The following RAI1 variants were observed in gnomAD, a reference collection of about 807,000 sequenced individuals.
The protein encoded by RAI1 is retinoic acid-induced protein 1.
A neutral mutation model predicts 123.8 loss-of-function variants in RAI1; 9 were observed. That is an observed-to-expected ratio of 0.07 (90% confidence interval 0.04 to 0.13). The LOEUF (loss-of-function observed/expected upper bound fraction) is 0.13. Ranked by LOEUF, RAI1 falls within the 10% of genes least tolerant of loss-of-function variation. The probability of loss-of-function intolerance (pLI) is 1.00; values close to 1 mark genes in which losing one functional copy is unlikely to be tolerated. For missense variants in RAI1, 2,256 were observed against 2,545.8 expected (o/e 0.89, Z 2.45); for synonymous variants, 1,231 against 1,127.3 (o/e 1.09, Z -1.84).
chr17:17,695,818 G>A (rs1463883470), intron 1 of RAI1, among the ~76,000 whole-genome samples: 1 of 152,060 alleles, frequency 6.6e-6, no homozygotes, highest in Non-Finnish European at 1.5e-5. Context: ...CACTATGCCC[G>A]GCCTCCCCTA....
rs1198848406 is a variant in RAI1 at position 17,793,864 on chromosome 17, C to G, written c.916C>G (p.Gln306Glu). 1 of 1,613,468 alleles carries G rather than the reference C, an allele frequency of 6.2e-7. No individual in the cohort carries two copies. The highest frequency in any genetic ancestry group is 8.5e-7 in the Non-Finnish European group (1 of 1,180,022). ...CCATGCCCAGGAAACCCTCCATTAC[C>G]AAAACCTCGCCAAGTATCAGCACTA... is the stretch of plus-strand genomic sequence containing the variant. ...RHHAQETLHYQNLAKYQHYGQ... is the reference protein window; with the variant it reads ...RHHAQETLHYENLAKYQHYGQ... The change falls in exon 3 of 6, where the codon CAA (glutamine) becomes GAA (glutamate). Residue 306 changes from glutamine (Q) to glutamate (E), a missense_variant. Gln to Glu is a conservative substitution (Grantham distance 29). Transcript: ENST00000353383.
chr17:17,779,151 C>T (rs2031466309), intron 2 of RAI1: 1 of 342,084 alleles, frequency 2.9e-6, no homozygotes, highest in African/African-American at 2.1e-5. Context: ...CAGCCGACAA[C>T]CAAAGGCAAA....
Position 17,809,213 on chromosome 17 carries a change from CGTGGAGTGGA to C in RAI1, c.5660-168_5660-159del. The C allele has an allele frequency of 1.4e-6, 1 of 719,738 alleles. No homozygotes were observed. The highest frequency in any genetic ancestry group is 2.5e-6 in the Non-Finnish European group (1 of 396,334). 44.6% of individuals were successfully genotyped at this position (719,738 alleles called of 1,614,324 possible). A position where few individuals can be genotyped will look rare whatever the true frequency, so the allele number is the denominator to read the frequency against. On this transcript the variant is annotated intron_variant, in intron 4 of 5. Transcript: ENST00000353383. This position sits in a 1 kb window ranked among gnomAD's most constrained non-coding sequence, Gnocchi z 4.9. ...GCCAGGCCAGGGGCCGCACCCGCGC[CGTGGAGTGGA>C]GTGGAGTGTGGAGGGTTTTGTGCAG... is the stretch of plus-strand genomic sequence containing the variant.
intron 2 of RAI1, among the ~76,000 whole-genome samples, chr17:17,768,705 A>C (rs2031031057): frequency 6.6e-6 from 1 of 152,206 alleles, no homozygotes; most frequent in African/African-American, 2.4e-5. Context: ...CACTGGGGAG[A>C]CACAAGACGA....
intron 1 of RAI1, among the ~76,000 whole-genome samples, chr17:17,716,099 AAGTC>A: frequency 1.3e-5 from 2 of 152,302 alleles, no homozygotes; most frequent in African/African-American, 4.8e-5. Context: ...AGTCGGGACA[AAGTC>A]AGGGGACTTG....
At chr17:17,761,226 C>T (rs1404217489) in intron 2 of RAI1, among the ~76,000 whole-genome samples, 3 of 150,838 alleles carry the variant, frequency 2.0e-5, no homozygotes, top group Admixed American at 6.6e-5. Flanking sequence ...AAGTGCTTGG[C>T]AAATGAAAAT....
At chr17:17,762,154 G>C (rs914462260) in intron 2 of RAI1, among the ~76,000 whole-genome samples, 1 of 151,598 alleles carries the variant, frequency 6.6e-6, no homozygotes, top group Non-Finnish European at 1.5e-5. Context: ...AGAGAGAAAA[G>C]AGAGTGAATA....
intron 2 of RAI1, among the ~76,000 whole-genome samples, chr17:17,768,209 G>A (rs1425565475): frequency 2.0e-5 from 3 of 152,182 alleles, no homozygotes; most frequent in Non-Finnish European, 4.4e-5. Flanking sequence ...CTGGTCCCAT[G>A]GTCTAGCCAG....
At chr17:17,746,315 C>CT (rs1219372147) in intron 2 of RAI1, among the ~76,000 whole-genome samples, 1 of 152,250 alleles carries the variant, frequency 6.6e-6, no homozygotes, top group Non-Finnish European at 1.5e-5. Flanking sequence ...CGCAGCCCAT[C>CT]TGGGAGCCAA....
intron 2 of RAI1, among the ~76,000 whole-genome samples, chr17:17,781,117 CCA>C (rs2031563384): frequency 6.6e-6 from 1 of 152,192 alleles, no homozygotes; most frequent in African/African-American, 2.4e-5. Flanking sequence ...ACTAGCTAAA[CCA>C]CAGAGAGAAC....
intron 2 of RAI1, among the ~76,000 whole-genome samples, chr17:17,783,540 G>C (rs1048795973): frequency 1.1e-4 from 17 of 152,164 alleles, no homozygotes; most frequent in African/African-American, 4.1e-4. Context: ...TGTTGCAGAG[G>C]GGCGGAGAGG....
intron 2 of RAI1, among the ~76,000 whole-genome samples, chr17:17,750,223 C>T (rs1238518676): frequency 6.6e-6 from 1 of 152,264 alleles, no homozygotes; most frequent in African/African-American, 2.4e-5. Context: ...GACTCCAAAT[C>T]TTCCCATAGG....
intron 4 of RAI1, among the ~76,000 whole-genome samples, chr17:17,806,614 C>T (rs897154349): frequency 6.6e-6 from 1 of 152,218 alleles, no homozygotes; most frequent in African/African-American, 2.4e-5. Context: ...CTCAAAAGGG[C>T]GTGAGTTGGC....
intron 2 of RAI1, among the ~76,000 whole-genome samples, chr17:17,788,236 G>A (rs1408368684): frequency 6.6e-6 from 1 of 152,076 alleles, no homozygotes; most frequent in East Asian, 1.9e-4. Flanking sequence ...GTCCTAGGAG[G>A]GTCCTCCATC....
At chr17:17,698,305 G>A (rs1478935779) in intron 1 of RAI1, among the ~76,000 whole-genome samples, 1 of 152,200 alleles carries the variant, frequency 6.6e-6, no homozygotes, top group Non-Finnish European at 1.5e-5. Flanking sequence ...TTTGTCTCCT[G>A]CCACTCAAGA....
At position 17,798,272 on chromosome 17, in the gene RAI1, G is replaced by A. The variant is rs1357591568; in HGVS notation, c.5324G>A (p.Gly1775Asp). 6.2e-7 allele frequency: 1 copy of A among 1,600,504 alleles called. No homozygotes were observed. Among genetic ancestry groups the A allele is most frequent in the Non-Finnish European group, 8.5e-7 (1 of 1,173,140 alleles). The change falls in exon 3 of 6, where the codon GGC becomes GAC. Residue 1775 changes from glycine (G) to aspartate (D), a missense_variant. By Grantham distance (94) the Gly-to-Asp change is moderately conservative. This residue lies in a region of RAI1 where 243 missense variants were observed against 316.6 expected (regional missense o/e 0.77). Transcript: ENST00000353383. ...KQGPLRTSARGLSRRLQSCYC... is the reference protein window; with the variant it reads ...KQGPLRTSARDLSRRLQSCYC... Reference sequence around the variant, plus strand: ...GGCCCACTGCGCACCAGTGCCCGGGGCCTGTCCCGGAGGCTGCAGAGCTGC... The same window carrying A: ...GGCCCACTGCGCACCAGTGCCCGGGACCTGTCCCGGAGGCTGCAGAGCTGC...
chr17:17,696,728 G>A (rs143743416), intron 1 of RAI1, among the ~76,000 whole-genome samples: 1 of 152,206 alleles, frequency 6.6e-6, no homozygotes. Flanking sequence ...GCTGCCTAGT[G>A]TGGACAGGGA....
intron 2 of RAI1, among the ~76,000 whole-genome samples, chr17:17,756,664 G>A (rs570103647): frequency 6.6e-6 from 1 of 152,086 alleles, no homozygotes; most frequent in African/African-American, 2.4e-5. Flanking sequence ...ATCCTTGAGC[G>A]CCTACTACGT....
chr17:17,689,482 G>C (rs559751652), intron 1 of RAI1, among the ~76,000 whole-genome samples: 1 of 152,294 alleles, frequency 6.6e-6, no homozygotes, highest in East Asian at 1.9e-4. Flanking sequence ...TGGACCCCAG[G>C]AAAGCATCCA....
Sources: gnomAD v4.1 joint callset for allele counts (sites outside exome capture counted in the v4.1 genomes callset) on GRCh38, gnomAD v4.1.1 for gene constraint, gnomAD v4.1.1 regional missense constraint, Gnocchi (gnomAD v3.1) non-coding constraint, MANE v1.5 for transcripts, NCBI Gene and HGNC (gene_info 2026-07-23, HGNC 2026-07-21) for gene names.